The following TTC9C variants were observed in gnomAD, a reference collection of about 807,000 sequenced individuals.
TTC9C encodes tetratricopeptide repeat protein 9C.
TTC9C carries 15 observed loss-of-function variants against 22.5 expected under a neutral mutation model. The observed-to-expected ratio is 0.67, with a 90% CI of 0.45 to 1.03. The LOEUF (loss-of-function observed/expected upper bound fraction) is 1.03. Ranked by LOEUF, TTC9C falls within the 50% of genes least tolerant of loss-of-function variation. The probability of loss-of-function intolerance (pLI) is 0.00; values close to 1 mark genes in which losing one functional copy is unlikely to be tolerated. For synonymous variants in TTC9C, 92 were observed against 86.8 expected (o/e 1.06, Z -0.33); for missense variants, 244 against 214.6 (o/e 1.14, Z -0.86).
At chr11:62,731,375 C>G (rs2083847177) in intron 1 of TTC9C, among the ~76,000 whole-genome samples, 2 of 152,120 alleles carry the variant, frequency 1.3e-5, no homozygotes, top group Admixed American at 1.3e-4. Context: ...ATCCCAACAC[C>G]TTGGTAGGCC....
intron 1 of TTC9C, among the ~76,000 whole-genome samples, chr11:62,735,119 C>T (rs556265407): frequency 6.6e-6 from 1 of 152,274 alleles, no homozygotes; most frequent in African/African-American, 2.4e-5. Context: ...ATCTCGAACT[C>T]CCGACCTCAG....
intron 2 of TTC9C, among the ~76,000 whole-genome samples, chr11:62,736,940 G>A (rs185542452): frequency 6.6e-6 from 1 of 151,982 alleles, no homozygotes; most frequent in East Asian, 1.9e-4. Context: ...GCTTATGCCT[G>A]TAATCCCAGC....
intron 1 of TTC9C, among the ~76,000 whole-genome samples, chr11:62,733,918 G>A (rs2083880887): frequency 6.6e-6 from 1 of 151,982 alleles, no homozygotes; most frequent in South Asian, 2.1e-4. Flanking sequence ...CTTGAACCTG[G>A]GAGGCAGAGG....
chr11:62,738,216 C>G (rs939237560), intron 2 of TTC9C, 72 bp from the exon 3 acceptor site: 1 of 907,762 alleles, frequency 1.1e-6, no homozygotes, highest in African/African-American at 1.7e-5. Context: ...AACATTCTCT[C>G]CTGCCACAAG....
chr11:62,737,569 T>C (rs2083926408), intron 2 of TTC9C, among the ~76,000 whole-genome samples: 2 of 152,178 alleles, frequency 1.3e-5, no homozygotes, highest in South Asian at 4.1e-4. Flanking sequence ...TAAAATCTCA[T>C]CTAAATGAAT....
intron 1 of TTC9C, among the ~76,000 whole-genome samples, chr11:62,732,786 G>T (rs754111328): frequency 6.6e-6 from 1 of 151,942 alleles, no homozygotes; most frequent in African/African-American, 2.4e-5. Context: ...GCTGGGTGTG[G>T]TGGCAGGTGC....
chr11:62,729,379 T>C (rs1462364829), intron 1 of TTC9C, among the ~76,000 whole-genome samples: 3 of 123,198 alleles, frequency 2.4e-5, no homozygotes, highest in African/African-American at 1.1e-4. Flanking sequence ...ATTTTTTTAT[T>C]TTATTTTATT....
At chr11:62,728,160 CTG>C (rs2083785446), upstream of TTC9C, 1 of 219,228 alleles carries the variant, frequency 4.6e-6, no homozygotes. Flanking sequence ...AGATACCAAA[CTG>C]TACGCATCTC....
At position 62,729,408 on chromosome 11, in the gene TTC9C, T is replaced by TTTTATTTTA. The variant is rs200747333; in HGVS notation, c.238+325_238+326insATTTTATTT. ...TTTTATTTTATTTTATTTTATTTTA[T>TTTTATTTTA]TTTTTTTTGAGATGGAGTCTCGCTC... is the stretch of plus-strand genomic sequence containing the variant. On this transcript the variant is annotated intron_variant, in intron 1 of 2. Coordinates refer to ENST00000316461, the MANE Select transcript of TTC9C (RefSeq NM_173810.4). Among the ~76,000 whole-genome samples, 219 of 137,854 alleles carry TTTTATTTTA rather than the reference T, an allele frequency of 1.6e-3. 2 individuals carry two copies. The highest frequency in any genetic ancestry group is 0.016 in the Middle Eastern group (4 of 256). The allele number at this position is 137,854 out of a possible 152,430, so 90.4% of individuals were successfully genotyped here.
intron 2 of TTC9C, among the ~76,000 whole-genome samples, chr11:62,738,051 AAAATAAAT>A (rs544159851): frequency 5.3e-5 from 8 of 151,716 alleles, no homozygotes; most frequent in African/African-American, 1.2e-4. Context: ...GTAAATAAAT[AAAATAAAT>A]AAATAAATAA....
chr11:62,735,351 A>G, intron 1 of TTC9C, 31 bp from the exon 2 acceptor site: 2 of 1,609,796 alleles, frequency 1.2e-6, no homozygotes, highest in South Asian at 1.1e-5. Context: ...AGCCCCTCCT[A>G]CCTCTTCTCT....
intron 1 of TTC9C, 51 bp from the exon 2 acceptor site, chr11:62,735,331 T>C (rs1349069246): frequency 1.3e-6 from 2 of 1,594,498 alleles, no homozygotes; most frequent in East Asian, 4.5e-5. Flanking sequence ...CAGTGGAACC[T>C]GGTGTAACGA....
chr11:62,728,262 C>T, upstream of TTC9C: 1 of 339,546 alleles, frequency 2.9e-6, no homozygotes, highest in Non-Finnish European at 5.8e-6. Flanking sequence ...GAACTGGTCA[C>T]GGCGCCGGGT....
At chr11:62,737,014 A>G (rs2083920732) in intron 2 of TTC9C, among the ~76,000 whole-genome samples, 1 of 151,916 alleles carries the variant, frequency 6.6e-6, no homozygotes, top group African/African-American at 2.4e-5. Context: ...CCTGGCTAAC[A>G]TGATTAAACC....
At chr11:62,735,269 A>G in intron 1 of TTC9C, 113 bp from the exon 2 acceptor site, 1 of 1,392,938 alleles carries the variant, frequency 7.2e-7, no homozygotes, top group South Asian at 1.4e-5. Flanking sequence ...ACACTTTAGC[A>G]TTTGTTGACT....
chr11:62,728,222 T>G, upstream of TTC9C: 1 of 312,828 alleles, frequency 3.2e-6, no homozygotes, highest in South Asian at 2.7e-5. Context: ...CCCAGGAGAC[T>G]TCCAGGTTTG....
At chr11:62,737,155 C>T (rs1268201464) in intron 2 of TTC9C, among the ~76,000 whole-genome samples, 1 of 151,726 alleles carries the variant, frequency 6.6e-6, no homozygotes. Context: ...GCCAAGATCG[C>T]GCCACTGCAC....
upstream of TTC9C, chr11:62,728,140 G>A (rs1346337601): frequency 6.1e-6 from 1 of 162,766 alleles, no homozygotes; most frequent in African/African-American, 2.4e-5. Context: ...CGCAATGCGC[G>A]CGACCCTCAA....
chr11:62,736,571 GT>G (rs1269965200), intron 2 of TTC9C, among the ~76,000 whole-genome samples: 1 of 151,874 alleles, frequency 6.6e-6, no homozygotes, highest in Non-Finnish European at 1.5e-5. Flanking sequence ...GTGAGGGCCT[GT>G]AGTCCCAGGT....
Sources: allele counts gnomAD v4.1 joint callset (sites outside exome capture counted in the v4.1 genomes callset), GRCh38; gene constraint gnomAD v4.1.1; transcripts MANE v1.5; gene names NCBI Gene and HGNC (gene_info 2026-07-23, HGNC 2026-07-21).